Variants in AK1 observed in about 807,000 individuals in gnomAD.
AK1 encodes adenylate kinase 1.
A neutral mutation model predicts 23.9 loss-of-function variants in AK1; 13 were observed. The observed-to-expected ratio is 0.54, with a 90% confidence interval of 0.35 to 0.86. AK1 has a LOEUF of 0.86. Ranked by LOEUF, AK1 falls within the 40% of genes least tolerant of loss-of-function variation. The probability of loss-of-function intolerance (pLI) is 0.01; values close to 1 mark genes in which losing one functional copy is unlikely to be tolerated. For missense variants in AK1, 214 were observed against 255.1 expected, an observed-to-expected ratio of 0.84 and a Z score of 1.10; for synonymous variants, 97 against 102.8, an observed-to-expected ratio of 0.94 and a Z score of 0.34.
intron 5 of AK1, chr9:127,869,563 G>A (rs1335219832): frequency 1.3e-5 from 2 of 152,348 alleles, no homozygotes; most frequent in Non-Finnish European, 2.9e-5. Flanking sequence ...TGTGACCTGG[G>A]GCAAGCCCTT....
rs1404191771 is a variant in AK1 at position 127,868,200 on chromosome 9, G to C, written c.516+121C>G. ...ACCTAATTGACAGCAGCCCCTCATT[G>C]AACCAGTGGGGAAACCAAGGCCCAG... On this transcript the variant is annotated intron_variant, in intron 6 of 6. Coordinates refer to ENST00000644144, the MANE Select transcript of AK1 (RefSeq NM_000476.3). This position sits in a 1 kb window ranked among gnomAD's most constrained non-coding sequence, Gnocchi z 4.1. 4.9e-6 allele frequency: 7 copies of C among 1,438,294 alleles called. No individual in the cohort carries two copies. In the South Asian group the frequency reaches 7.2e-5, roughly 15 times the overall value. The allele number at this position is 1,438,294 out of a possible 1,614,324, so 89.1% of individuals were successfully genotyped here. A position where few individuals can be genotyped will look rare whatever the true frequency, so the allele number is the denominator to read the frequency against.
rs1829400856 is a variant in AK1, at chr9:127,871,225, A to G, written c.324+598T>C. On this transcript the variant is annotated intron_variant, in intron 5 of 6. Coordinates refer to ENST00000644144, the MANE Select transcript of AK1 (RefSeq NM_000476.3). This position sits in a 1 kb window ranked among gnomAD's most constrained non-coding sequence, Gnocchi z 4.4. Reference sequence around the variant, plus strand: ...TATCTGCAGGATGCTCGTGCTAGGAAGCTCAGGGCCATCATTTTCCAGGCC... The same window carrying G: ...TATCTGCAGGATGCTCGTGCTAGGAGGCTCAGGGCCATCATTTTCCAGGCC... 6.6e-6 allele frequency among the ~76,000 whole-genome samples: 1 copy of G among 151,552 alleles called. No homozygotes were observed. The highest frequency in any genetic ancestry group is 6.5e-5 in the Admixed American group (1 of 15,270).
intron 4 of AK1, 105 bp downstream of exon 4, chr9:127,872,585 G>T: frequency 1.4e-6 from 2 of 1,478,060 alleles, no homozygotes; most frequent in Non-Finnish European, 1.9e-6. Context: ...AGCCGGGGGC[G>T]GTTACGGTCA....
intron 1 of AK1, among the ~76,000 whole-genome samples, chr9:127,875,379 C>T (rs1379599710): frequency 6.6e-6 from 1 of 150,984 alleles, no homozygotes; most frequent in African/African-American, 2.4e-5. Flanking sequence ...GCTGCCACAG[C>T]CCCCAGGACC....
At chr9:127,878,247 G>A (rs986172455), upstream of AK1, 1 of 152,278 alleles carries the variant, frequency 6.6e-6, no homozygotes, top group African/African-American at 2.4e-5. Context: ...GGACCCCAAA[G>A]ACCACCCAGT....
At position 127,868,040 on chromosome 9, in the gene AK1, G is replaced by T; in HGVS notation, c.553C>A (p.Gln185Lys). 1 of 1,614,178 alleles carries T rather than the reference G, an allele frequency of 6.2e-7. No homozygotes were observed. Among genetic ancestry groups the T allele is most frequent in the Non-Finnish European group, 8.5e-7 (1 of 1,180,022 alleles). Reference protein sequence around the residue: ...AEGSVDSVFSQVCTHLDALK With the variant: ...AEGSVDSVFSKVCTHLDALK ...AGGGCGTCCAGGTGGGTGCAGACCTGGGAGAAGACACTGTCCACGGAGCCC... is the reference window on the plus strand; with the variant it reads ...AGGGCGTCCAGGTGGGTGCAGACCTTGGAGAAGACACTGTCCACGGAGCCC... Residue 185 changes from glutamine to lysine, a missense_variant, in exon 7 of 7, where the codon CAG becomes AAG. Transcript: ENST00000644144. The surrounding 1 kb of genome is among the most constrained non-coding windows in gnomAD (Gnocchi z 4.1).
At chr9:127,870,829 AATGGGGCATGGG>A (rs1829385269) in intron 5 of AK1, among the ~76,000 whole-genome samples, 1 of 52,532 alleles carries the variant, frequency 1.9e-5, no homozygotes, top group Non-Finnish European at 5.2e-5. Flanking sequence ...GGGGCATGGG[AATGGGGCATGGG>A]GATGGGAGTC....
In AK1 at chr9:127,871,912, C is replaced by T; in HGVS notation, c.235G>A (p.Ala79Thr). ...GAAGTATTGACTTTGGCCACCATGG[C>T]ATCCCGGAGCATGTCCAACACTGTC... ...LETVLDMLRD[A>T]MVAKVNTSKG... The change falls in exon 5 of 7, where the codon GCC (alanine) becomes ACC (threonine). Residue 79 changes from alanine to threonine, a missense_variant. Ala to Thr is a moderately conservative substitution (Grantham distance 58, BLOSUM62 0). Coordinates refer to ENST00000644144, the MANE Select transcript of AK1 (RefSeq NM_000476.3). This position sits in a 1 kb window ranked among gnomAD's most constrained non-coding sequence, Gnocchi z 4.4. 6.2e-7 allele frequency: 1 copy of T among 1,614,122 alleles called. No individual in the cohort carries two copies. The highest frequency in any genetic ancestry group is 8.5e-7 in the Non-Finnish European group (1 of 1,180,020).
chr9:127,875,921 C>T (rs1287856425), intron 1 of AK1, among the ~76,000 whole-genome samples: 1 of 152,252 alleles, frequency 6.6e-6, no homozygotes, highest in African/African-American at 2.4e-5. Context: ...GAAGCCTCCA[C>T]ACCCTGCCAC....
At position 127,871,524 on chromosome 9, in the gene AK1, C is replaced by A. The variant is rs78993839; in HGVS notation, c.324+299G>T. Among the ~76,000 whole-genome samples the A allele has an allele frequency of 4.5e-3, 685 of 151,712 alleles. 37 individuals carry two copies. The highest frequency in any genetic ancestry group is 0.016 in the African/African-American group (661 of 41,008). On this transcript the variant is annotated intron_variant, in intron 5 of 6. Transcript: ENST00000644144. The surrounding 1 kb of genome is among the most constrained non-coding windows in gnomAD (Gnocchi z 4.4). ...TGTGACCTGGTCCTCCCACTCCCTG[C>A]ATTTTGCAGATGGGAAAACTGAGGT...
At position 127,874,161 on chromosome 9, in the gene AK1, ACT is replaced by A. The variant is rs1464941794; in HGVS notation, c.7+448_7+449del. ...GCAGCTGAGGGCGGGCCCGTTCTGG[ACT>A]CTCTGCCTGCCCGTGTCTCCCTCTA... is the stretch of plus-strand genomic sequence containing the variant. On this transcript the variant is annotated intron_variant, in intron 2 of 6. Transcript: ENST00000644144. 8 of 984,914 alleles carry A rather than the reference ACT, an allele frequency of 8.1e-6. No homozygotes were observed. The East Asian group carries it at 6.8e-4, about 84-fold the overall frequency. The allele number at this position is 984,914 out of a possible 1,614,324, so 61.0% of individuals were successfully genotyped here.
upstream of AK1, among the ~76,000 whole-genome samples, chr9:127,879,261 G>A (rs1829597829): frequency 6.6e-6 from 1 of 152,172 alleles, no homozygotes; most frequent in South Asian, 2.1e-4. Flanking sequence ...GGGTCTGAGT[G>A]AGAAAGGAAG....
Position 127,868,265 on chromosome 9 carries a change from G to T in AK1, c.516+56C>A. On this transcript the variant is annotated intron_variant, in intron 6 of 6. Coordinates refer to ENST00000644144, the MANE Select transcript of AK1 (RefSeq NM_000476.3). The surrounding 1 kb of genome is among the most constrained non-coding windows in gnomAD (Gnocchi z 4.1). ...CTGAGGCCACACAGTGAGCTGAGGC[G>T]GAGCCACATAGGAACCCGTTCTTCC... 6.5e-7 allele frequency: 1 copy of T among 1,527,406 alleles called. No individual in the cohort carries two copies. Among genetic ancestry groups the T allele is most frequent in the Admixed American group, 2.0e-5 (1 of 51,134 alleles). The allele number at this position is 1,527,406 out of a possible 1,614,324, so 94.6% of individuals were successfully genotyped here.
chr9:127,873,469 C>T (rs1829466838), intron 2 of AK1: 1 of 1,486,726 alleles, frequency 6.7e-7, no homozygotes, highest in Non-Finnish European at 8.9e-7. Flanking sequence ...TGCCGTGTCT[C>T]CTGTGCACCC....
chr9:127,870,805 CGGGGCATGG>C (rs752617830), intron 5 of AK1, among the ~76,000 whole-genome samples: 1 of 133,108 alleles, frequency 7.5e-6, no homozygotes, highest in Admixed American at 7.5e-5. Context: ...CCTACGGAGA[CGGGGCATGG>C]GAATGGGGCA....
intron 1 of AK1, among the ~76,000 whole-genome samples, chr9:127,876,543 G>C (rs1455118331): frequency 6.6e-6 from 1 of 152,188 alleles, no homozygotes; most frequent in Non-Finnish European, 1.5e-5. Context: ...CCTGCTGAGT[G>C]TGCTTCAGCG....
At chr9:127,873,000 G>C in intron 3 of AK1, 26 bp downstream of exon 3, 1 of 1,613,912 alleles carries the variant, frequency 6.2e-7, no homozygotes, top group Non-Finnish European at 8.5e-7. Flanking sequence ...GACCCTTGCT[G>C]CACCACCCGC....
At chr9:127,873,528 G>C in intron 2 of AK1, 3 of 1,441,386 alleles carry the variant, frequency 2.1e-6, no homozygotes, top group South Asian at 1.5e-5. Context: ...CGCCTCCCCC[G>C]GCAGTGGGGG....
At chr9:127,870,397 C>T (rs1235112671) in intron 5 of AK1, among the ~76,000 whole-genome samples, 1 of 152,076 alleles carries the variant, frequency 6.6e-6, no homozygotes, top group African/African-American at 2.4e-5. Flanking sequence ...CATGAGTTTT[C>T]ACCATGTTGG....
Sources: gnomAD v4.1 joint callset for allele counts (sites outside exome capture counted in the v4.1 genomes callset) on GRCh38, gnomAD v4.1.1 for gene constraint, Gnocchi (gnomAD v3.1) non-coding constraint, MANE v1.5 for transcripts, NCBI Gene and HGNC (gene_info 2026-07-23, HGNC 2026-07-21) for gene names.